The following L3MBTL2 variants were observed in gnomAD, a reference collection of about 807,000 sequenced individuals.
L3MBTL2 encodes the protein L3MBTL histone methyl-lysine binding protein 2, also known as lethal(3)malignant brain tumor-like protein 2.
In L3MBTL2, 49 loss-of-function variants were observed where a neutral mutation model predicts 86.4. That is an observed-to-expected ratio of 0.57 (90% CI 0.45 to 0.72). The LOEUF is 0.72. Among genes scored for constraint, L3MBTL2 ranks in the 30% least tolerant of loss-of-function variants. L3MBTL2 has a pLI of 0.00. For synonymous variants in L3MBTL2, 336 were observed against 350.6 expected (o/e 0.96, Z 0.47); for missense variants, 755 against 923.7 (o/e 0.82, Z 2.37).
chr22:41,214,117 A>C, intron 3 of L3MBTL2, 91 bp downstream of exon 3: 1 of 1,374,696 alleles, frequency 7.3e-7, no homozygotes. Context: ...GGAAAGTTTG[A>C]AAAGGTCCTT....
At chr22:41,226,844 T>C in intron 13 of L3MBTL2, 100 bp downstream of exon 13, 1 of 940,126 alleles carries the variant, frequency 1.1e-6, no homozygotes, top group Non-Finnish European at 1.6e-6. Context: ...CTCTCGAATC[T>C]CTACTGCTGA....
At chr22:41,209,605 G>A (rs1257693796) in intron 1 of L3MBTL2, 91 bp from the exon 2 acceptor site, 17 of 1,094,878 alleles carry the variant, frequency 1.6e-5, no homozygotes, top group Non-Finnish European at 2.2e-5. Flanking sequence ...CCGAAAGTGT[G>A]AGGGGGCTGA....
In L3MBTL2 at chr22:41,227,047, G is replaced by A; in HGVS notation, c.1588-42G>A. On this transcript the variant is annotated intron_variant, in intron 13 of 16. Coordinates refer to ENST00000216237, the MANE Select transcript of L3MBTL2 (RefSeq NM_031488.5). The surrounding 1 kb of genome is among the most constrained non-coding windows in gnomAD (Gnocchi z 6.0). ...GGCCGGGGCAAGCCTGCTGGGGTAG[G>A]GAGCTGACTGGCTTGGCCACTGCCT... 1 of 1,533,644 alleles carries A rather than the reference G, an allele frequency of 6.5e-7. No individual in the cohort carries two copies. Among genetic ancestry groups the A allele is most frequent in the East Asian group, 2.4e-5 (1 of 41,674 alleles).
At position 41,224,868 on chromosome 22, in the gene L3MBTL2, C is replaced by G; in HGVS notation, c.1251+67C>G. The G allele has an allele frequency of 6.4e-7, 1 of 1,559,218 alleles. No individual in the cohort carries two copies. The highest frequency in any genetic ancestry group is 8.8e-7 in the Non-Finnish European group (1 of 1,130,766). ...TCCATTCCGGGCCTGAGGGACCTGG[C>G]TCTTCCCCTGGGACCATCCCTTTCC... On this transcript the variant is annotated intron_variant, in intron 10 of 16. Transcript: ENST00000216237. The surrounding 1 kb of genome is among the most constrained non-coding windows in gnomAD (Gnocchi z 4.9).
In L3MBTL2 at chr22:41,224,376, A is replaced by T; in HGVS notation, c.1174+125A>T. On this transcript the variant is annotated intron_variant, in intron 9 of 16. Coordinates refer to ENST00000216237, the MANE Select transcript of L3MBTL2 (RefSeq NM_031488.5). The surrounding 1 kb of genome is among the most constrained non-coding windows in gnomAD (Gnocchi z 4.9). The stretch of plus-strand genomic sequence containing the variant: ...TTGGCATGGCCCCCCTGCAGTGATG[A>T]TACTGAGCTCCAGAGAGCTTGAGTA... 1.5e-6 allele frequency: 1 copy of T among 675,172 alleles called. No homozygotes were observed. The highest frequency in any genetic ancestry group is 2.5e-6 in the Non-Finnish European group (1 of 397,888). 41.8% of individuals were successfully genotyped at this position (675,172 alleles called of 1,614,324 possible). A position where few individuals can be genotyped will look rare whatever the true frequency, so the allele number is the denominator to read the frequency against.
Position 41,225,128 on chromosome 22 carries a change from G to T in L3MBTL2, c.1356+57G>T. On this transcript the variant is annotated intron_variant, in intron 11 of 16. Coordinates refer to ENST00000216237, the MANE Select transcript of L3MBTL2 (RefSeq NM_031488.5). This position sits in a 1 kb window ranked among gnomAD's most constrained non-coding sequence, Gnocchi z 4.1. ...ATTTCTGAGCGGGGGGACCCATGTG[G>T]CCCAGAGCTCTAACCCCACTCGCCA... 1 of 1,432,338 alleles carries T rather than the reference G, an allele frequency of 7.0e-7. No homozygotes were observed. Among genetic ancestry groups the T allele is most frequent in the Non-Finnish European group, 9.7e-7 (1 of 1,032,168 alleles). The allele number at this position is 1,432,338 out of a possible 1,614,324, so 88.7% of individuals were successfully genotyped here.
chr22:41,213,643 C>T (rs1000560308), intron 2 of L3MBTL2: 8 of 337,568 alleles, frequency 2.4e-5, no homozygotes, highest in South Asian at 1.3e-4. Flanking sequence ...TTCCCCCAGT[C>T]GTCCTCATGG....
At position 41,228,029 on chromosome 22, in the gene L3MBTL2, C is replaced by T. The variant is rs1055125936; in HGVS notation, c.1888+160C>T. 5.1e-6 allele frequency: 5 copies of T among 985,274 alleles called. No homozygotes were observed. The African/African-American group carries it at 8.7e-5, about 17-fold the overall frequency. The allele number at this position is 985,274 out of a possible 1,614,324, so 61.0% of individuals were successfully genotyped here. A position where few individuals can be genotyped will look rare whatever the true frequency, so the allele number is the denominator to read the frequency against. On this transcript the variant is annotated intron_variant, in intron 15 of 16. Coordinates refer to ENST00000216237, the MANE Select transcript of L3MBTL2 (RefSeq NM_031488.5). The stretch of plus-strand genomic sequence containing the variant: ...TCCTGTCCTGTCTCTTTCCCCTTGC[C>T]CTTTGGCCTACGGGCCTTTCACCCT...
At position 41,225,048 on chromosome 22, in the gene L3MBTL2, A is replaced by G. The variant is rs751947325; in HGVS notation, c.1333A>G (p.Ile445Val). 1 of 1,613,964 alleles carries G rather than the reference A, an allele frequency of 6.2e-7. No individual in the cohort carries two copies. The highest frequency in any genetic ancestry group is 8.5e-7 in the Non-Finnish European group (1 of 1,179,906). Reference protein sequence around the residue: ...EAIDPLNLGNICVATVCKVLL... With the variant: ...EAIDPLNLGNVCVATVCKVLL... ...CATTGACCCCCTGAATCTGGGCAACATCTGCGTGGCAACTGTCTGTAAGGT... is the reference window on the plus strand; with the variant it reads ...CATTGACCCCCTGAATCTGGGCAACGTCTGCGTGGCAACTGTCTGTAAGGT... Residue 445 changes from isoleucine (I) to valine (V), a missense_variant, in exon 11 of 17, where the codon ATC becomes GTC. Physicochemically the swap from Ile to Val is conservative, Grantham distance 29 (BLOSUM62 3). Coordinates refer to ENST00000216237, the MANE Select transcript of L3MBTL2 (RefSeq NM_031488.5). The surrounding 1 kb of genome is among the most constrained non-coding windows in gnomAD (Gnocchi z 4.1).
intron 15 of L3MBTL2, chr22:41,228,466 C>G: frequency 1.0e-6 from 1 of 985,384 alleles, no homozygotes; most frequent in Non-Finnish European, 1.2e-6. Context: ...GAGCCGCAGG[C>G]CTATGACAGC....
chr22:41,215,072 CAG>C (rs1166731609), intron 3 of L3MBTL2, among the ~76,000 whole-genome samples: 1 of 152,128 alleles, frequency 6.6e-6, no homozygotes, highest in Non-Finnish European at 1.5e-5. Context: ...GTAGCCTGGA[CAG>C]AGATTGGAAG....
Position 41,224,187 on chromosome 22 carries a change from G to A in L3MBTL2, c.1110G>A (p.Met370Ile). The stretch of plus-strand genomic sequence containing the variant: ...GTGACGACGACTTCTGGTGCCACAT[G>A]TGGAGCCCCCTGATCCACCCAGTGG... ...GDSDDDFWCH[M>I]WSPLIHPVGW... Residue 370 changes from methionine to isoleucine, a missense_variant, in exon 9 of 17, where the codon ATG becomes ATA. Coordinates refer to ENST00000216237, the MANE Select transcript of L3MBTL2 (RefSeq NM_031488.5). The surrounding 1 kb of genome is among the most constrained non-coding windows in gnomAD (Gnocchi z 4.9). The A allele has an allele frequency of 6.2e-7, 1 of 1,614,130 alleles. No homozygotes were observed. Among genetic ancestry groups the A allele is most frequent in the South Asian group, 1.1e-5 (1 of 91,086 alleles).
chr22:41,221,291 G>C lies in L3MBTL2; in HGVS notation c.942+4G>C. The C allele has an allele frequency of 6.4e-7, 1 of 1,551,160 alleles. No homozygotes were observed. Among genetic ancestry groups the C allele is most frequent in the Non-Finnish European group, 8.7e-7 (1 of 1,146,518 alleles). ...TCCCGTGGATTTCCACATCAAGGTC[G>C]GCAGTGAGCCCTTAACTGATGTGCC... On this transcript the variant is annotated splice_donor_region_variant and intron_variant, in intron 8 of 16. Coordinates refer to ENST00000216237, the MANE Select transcript of L3MBTL2 (RefSeq NM_031488.5).
Position 41,225,891 on chromosome 22 carries a change from T to G in L3MBTL2, c.1454T>G (p.Phe485Cys). 1 of 1,614,088 alleles carries G rather than the reference T, an allele frequency of 6.2e-7. No homozygotes were observed. The highest frequency in any genetic ancestry group is 8.5e-7 in the Non-Finnish European group (1 of 1,180,010). Residue 485 changes from phenylalanine (F) to cysteine (C), a missense_variant, in exon 12 of 17, where the codon TTC (phenylalanine) becomes TGC (cysteine). This residue lies in a region of L3MBTL2 where 634 missense variants were observed against 748.9 expected (regional missense o/e 0.85). Transcript: ENST00000216237. The surrounding 1 kb of genome is among the most constrained non-coding windows in gnomAD (Gnocchi z 4.1). ...FCYHASSHAI[F>C]PATFCQKNDI... is the part of the protein sequence containing the mutation. ...TACCATGCCTCTTCCCACGCCATCTTCCCGGCCACCTTCTGTCAGAAGAAT... is the reference window on the plus strand; with the variant it reads ...TACCATGCCTCTTCCCACGCCATCTGCCCGGCCACCTTCTGTCAGAAGAAT...
In L3MBTL2 at chr22:41,225,086, G is replaced by A. The variant is rs745443972; in HGVS notation, c.1356+15G>A. 1.7e-5 allele frequency: 27 copies of A among 1,602,216 alleles called. No individual in the cohort carries two copies. In the Middle Eastern group the frequency reaches 6.7e-4, roughly 40 times the overall value. On this transcript the variant is annotated intron_variant, in intron 11 of 16. Coordinates refer to ENST00000216237, the MANE Select transcript of L3MBTL2 (RefSeq NM_031488.5). This position sits in a 1 kb window ranked among gnomAD's most constrained non-coding sequence, Gnocchi z 4.1. Reference sequence around the variant, plus strand: ...CTGTCTGTAAGGTGAGCCAGGGGCCGGCTCTCCAGCCTCCAGATTTCTGAG... The same window carrying A: ...CTGTCTGTAAGGTGAGCCAGGGGCCAGCTCTCCAGCCTCCAGATTTCTGAG...
chr22:41,208,560 G>C (rs1008712299), intron 1 of L3MBTL2: 2 of 250,182 alleles, frequency 8.0e-6, no homozygotes, highest in African/African-American at 4.7e-5. Context: ...CTTGCCCAAG[G>C]CCCTATAGCT....
chr22:41,230,075 C>G lies in L3MBTL2; in HGVS notation c.2006-64C>G. On this transcript the variant is annotated intron_variant, in intron 16 of 16. Transcript: ENST00000216237. ...GGGAGCCAGGTCCCTTTCCCAGCTCCTCCGCCCCCACCCCTCCCAGAGTTA... is the reference window on the plus strand; with the variant it reads ...GGGAGCCAGGTCCCTTTCCCAGCTCGTCCGCCCCCACCCCTCCCAGAGTTA... 5.3e-6 allele frequency: 5 copies of G among 947,926 alleles called. No individual in the cohort carries two copies. The South Asian group carries it at 6.2e-5, about 12-fold the overall frequency. 58.7% of individuals were successfully genotyped at this position (947,926 alleles called of 1,614,324 possible).
chr22:41,220,266 A>G (rs193270697), intron 6 of L3MBTL2, among the ~76,000 whole-genome samples: 2 of 152,330 alleles, frequency 1.3e-5, no homozygotes, highest in African/African-American at 2.4e-5. Context: ...ACCATTCCAT[A>G]ATGCTTTCCG....
chr22:41,228,647 C>G (rs2032359659), intron 15 of L3MBTL2: 1 of 335,136 alleles, frequency 3.0e-6, no homozygotes, highest in Non-Finnish European at 4.2e-6. Flanking sequence ...TCAGAAGTTC[C>G]AAGACCAGCC....
Sources: gnomAD v4.1 joint callset for allele counts (sites outside exome capture counted in the v4.1 genomes callset) on GRCh38, gnomAD v4.1.1 for gene constraint, gnomAD v4.1.1 regional missense constraint, Gnocchi (gnomAD v3.1) non-coding constraint, MANE v1.5 for transcripts, NCBI Gene and HGNC (gene_info 2026-07-23, HGNC 2026-07-21) for gene names.